The following RBM41 variants were observed in gnomAD, a reference collection of about 807,000 sequenced individuals.
RBM41 encodes RNA binding motif protein 41.
In RBM41, 14 loss-of-function variants were observed where a neutral mutation model predicts 30.8. The observed-to-expected ratio is 0.45, with a 90% CI of 0.30 to 0.71. RBM41 has a LOEUF of 0.71. Among genes scored for constraint, RBM41 ranks in the 30% least tolerant of loss-of-function variants. The pLI, the probability that RBM41 is intolerant of heterozygous loss-of-function variation, is 0.08. For missense variants in RBM41, 276 were observed against 326.3 expected (o/e 0.85, Z 1.19); for synonymous variants, 120 against 110.1 (o/e 1.09, Z -0.56).
At position 107,066,135 on chromosome X, in the gene RBM41, G is replaced by A. The variant is rs1235478382; in HGVS notation, c.*1392C>T. Among the ~76,000 whole-genome samples the A allele has an allele frequency of 8.9e-6, 1 of 112,066 alleles. No homozygotes were observed. Among genetic ancestry groups the A allele is most frequent in the African/African-American group, 3.2e-5 (1 of 30,859 alleles). ...GTTATTTTCTTTGAACACTTTGAAT[G>A]TGTTATTCCACTGCCACTGCCATTG... On this transcript the variant is annotated 3_prime_UTR_variant, in exon 8 of 8. Transcript: ENST00000685964.
At chrX:107,084,107 T>C (rs1921802122) in intron 6 of RBM41, among the ~76,000 whole-genome samples, 1 of 101,767 alleles carries the variant, frequency 9.8e-6, no homozygotes, top group African/African-American at 3.7e-5. Flanking sequence ...TACTGTCTTT[T>C]TGTCTCCCTT....
chrX:107,105,771 G>A (rs1339656237), intron 5 of RBM41, among the ~76,000 whole-genome samples: 1 of 111,596 alleles, frequency 9.0e-6, no homozygotes, highest in Non-Finnish European at 1.9e-5. Flanking sequence ...ATGGGGAAAC[G>A]ATTCCCTATT....
intron 6 of RBM41, 36 bp from the exon 7 acceptor site, chrX:107,069,438 A>G (rs769297443): frequency 8.6e-7 from 1 of 1,158,753 alleles, no homozygotes; most frequent in South Asian, 2.0e-5. Flanking sequence ...AATATCATAT[A>G]AAGGAGGTAA....
chrX:107,115,833 C>T (rs12394204), intron 3 of RBM41, 29 bp downstream of exon 3: 3 of 1,138,039 alleles, frequency 2.6e-6, no homozygotes, highest in Non-Finnish European at 3.5e-6. Flanking sequence ...AGGAGAAAAA[C>T]CAACAAAAAA....
intron 5 of RBM41, among the ~76,000 whole-genome samples, chrX:107,105,667 G>C (rs1236262275): frequency 9.0e-6 from 1 of 111,257 alleles, no homozygotes; most frequent in African/African-American, 3.3e-5. Flanking sequence ...TACCAAAACA[G>C]AGATATAGAC....
Position 107,067,553 on chromosome X carries a change from T to TAC in RBM41, c.1286_1287dup (p.Ser430ValfsTer29), listed in dbSNP as rs1935887847. 1 of 1,209,635 alleles carries TAC rather than the reference T, an allele frequency of 8.3e-7. No individual in the cohort carries two copies. The highest frequency in any genetic ancestry group is 1.1e-6 in the Non-Finnish European group (1 of 894,300). On this transcript the variant is annotated frameshift_variant, in exon 8 of 8. Coordinates refer to ENST00000685964, the MANE Select transcript of RBM41 (RefSeq NM_001324242.2). LOFTEE classifies it high-confidence loss of function. ...TAGCTACCACTAATTTCTGTAGTGC[T>TAC]ACCTGTAGCACATGATATGAGAGAA...
intron 6 of RBM41, among the ~76,000 whole-genome samples, chrX:107,073,640 A>AT (rs1214056765): frequency 1.8e-5 from 2 of 112,062 alleles, no homozygotes; most frequent in Non-Finnish European, 3.8e-5. Flanking sequence ...ACTACTGAGA[A>AT]TTTATCCAAA....
intron 5 of RBM41, among the ~76,000 whole-genome samples, chrX:107,105,025 A>AG (rs1923826181): frequency 9.1e-6 from 1 of 110,270 alleles, no homozygotes; most frequent in Non-Finnish European, 1.9e-5. Context: ...CAGGGCAATC[A>AG]GGCAGGAGAA....
chrX:107,097,812 A>C (rs1270449315), intron 5 of RBM41, among the ~76,000 whole-genome samples: 1 of 112,033 alleles, frequency 8.9e-6, no homozygotes. Context: ...AGCCAGATTC[A>C]AAAGACCACG....
intron 4 of RBM41, chrX:107,114,207 A>G (rs1924718862): frequency 9.0e-6 from 1 of 111,044 alleles, no homozygotes; most frequent in African/African-American, 3.3e-5. Flanking sequence ...CCTCTCTCCA[A>G]TTTCACTGCT....
intron 5 of RBM41, among the ~76,000 whole-genome samples, chrX:107,090,367 C>A (rs1446777829): frequency 1.8e-5 from 2 of 111,522 alleles, no homozygotes; most frequent in African/African-American, 6.5e-5. Context: ...GAGTGAGACT[C>A]CATCTCAAAA....
chrX:107,083,574 T>C (rs1179508772), intron 6 of RBM41, among the ~76,000 whole-genome samples: 1 of 111,745 alleles, frequency 8.9e-6, no homozygotes, highest in Non-Finnish European at 1.9e-5. Flanking sequence ...TCTTGGATAT[T>C]CTGTTCCTTT....
chrX:107,098,090 T>A (rs745755452), intron 5 of RBM41, among the ~76,000 whole-genome samples: 1 of 111,886 alleles, frequency 8.9e-6, no homozygotes, highest in South Asian at 3.7e-4. Flanking sequence ...ATAAACAAAT[T>A]ATTCAGAATC....
intron 6 of RBM41, among the ~76,000 whole-genome samples, chrX:107,087,560 T>A (rs964465148): frequency 1.8e-5 from 2 of 111,281 alleles, no homozygotes; most frequent in African/African-American, 6.5e-5. Context: ...AAATAATGAT[T>A]TGATCAATAA....
chrX:107,084,134 C>A (rs865944403), intron 6 of RBM41, among the ~76,000 whole-genome samples: 866 of 64,326 alleles, frequency 0.013, no homozygotes, highest in Non-Finnish European at 0.016. Context: ...TTTGGATTTA[C>A]AAAAAAAAAA....
intron 6 of RBM41, among the ~76,000 whole-genome samples, chrX:107,082,627 TA>T (rs1171092904): frequency 9.0e-6 from 1 of 111,416 alleles, no homozygotes; most frequent in Non-Finnish European, 1.9e-5. Flanking sequence ...AAATGAGTAT[TA>T]TTTTATATGC....
rs1923238420 is a variant in RBM41, at chrX:107,099,200, C to T, written c.596-10361G>A. ...ACAAGTATCCATAATAATAAAAAGA[C>T]TGGTACAAATTTATAAGAAAATGCA... On this transcript the variant is annotated intron_variant, in intron 5 of 7. Transcript: ENST00000685964. Among the ~76,000 whole-genome samples, 5 of 111,397 alleles carry T rather than the reference C, an allele frequency of 4.5e-5. No individual in the cohort carries two copies. In the South Asian group the frequency reaches 1.9e-3, roughly 42 times the overall value.
intron 6 of RBM41, among the ~76,000 whole-genome samples, chrX:107,077,549 TATGA>T (rs1391435052): frequency 9.5e-6 from 1 of 105,257 alleles, no homozygotes; most frequent in Non-Finnish European, 1.9e-5. Context: ...TGTATGTATG[TATGA>T]ATGTATCCAC....
chrX:107,067,045 T>G lies in RBM41; in HGVS notation c.*482A>C, dbSNP rs922687905. On this transcript the variant is annotated 3_prime_UTR_variant, in exon 8 of 8. Coordinates refer to ENST00000685964, the MANE Select transcript of RBM41 (RefSeq NM_001324242.2). ...TACTATTACTGCTGATAGTTCTGAC[T>G]TAATAGCATTTGTTGATGCTTAGGC... The G allele has an allele frequency of 1.6e-5, 12 of 750,818 alleles. No individual in the cohort carries two copies. In the African/African-American group the frequency reaches 2.8e-4, roughly 17 times the overall value. The allele number at this position is 750,818 out of a possible 1,213,427, so 61.9% of individuals were successfully genotyped here.
Sources: allele counts gnomAD v4.1 joint callset (sites outside exome capture counted in the v4.1 genomes callset), GRCh38; gene constraint gnomAD v4.1.1; transcripts MANE v1.5; gene names NCBI Gene and HGNC (gene_info 2026-07-23, HGNC 2026-07-21).